The following MAGI2 variants were observed in gnomAD, a reference collection of about 807,000 sequenced individuals.
MAGI2 encodes membrane-associated guanylate kinase, WW and PDZ domain-containing protein 2.
A neutral mutation model predicts 133.3 loss-of-function variants in MAGI2; 35 were observed. The ratio of observed to expected loss-of-function variants is 0.26; its 90% CI spans 0.20 to 0.35. The LOEUF (loss-of-function observed/expected upper bound fraction) is 0.35, where lower values mean the gene tolerates loss of function less well. MAGI2 is among the 10% of genes least tolerant of loss of function. The pLI is 1.00. For missense variants in MAGI2, 1,636 were observed against 1,863.4 expected, an observed-to-expected ratio of 0.88 and a Z score of 2.25; for synonymous variants, 729 against 710.6, an observed-to-expected ratio of 1.03 and a Z score of -0.41.
At chr7:79,156,635 C>A (rs995535519) in intron 1 of MAGI2, among the ~76,000 whole-genome samples, 1 of 152,158 alleles carries the variant, frequency 6.6e-6, no homozygotes, top group Non-Finnish European at 1.5e-5. Context: ...CTTTCTGGAC[C>A]AAATATGTAT....
At chr7:78,923,137 G>C (rs1362332441) in intron 2 of MAGI2, among the ~76,000 whole-genome samples, 7 of 152,006 alleles carry the variant, frequency 4.6e-5, no homozygotes, top group Admixed American at 1.3e-4. Flanking sequence ...CTCTCATTTT[G>C]TAGGTTGCCT....
At chr7:79,085,059 T>C (rs927112882) in intron 1 of MAGI2, among the ~76,000 whole-genome samples, 1 of 151,750 alleles carries the variant, frequency 6.6e-6, no homozygotes, top group Non-Finnish European at 1.5e-5. Context: ...TCTTCAAATA[T>C]TTTTTCTGTT....
intron 6 of MAGI2, among the ~76,000 whole-genome samples, chr7:78,462,310 T>A (rs1790146010): frequency 6.6e-6 from 1 of 152,138 alleles, no homozygotes; most frequent in African/African-American, 2.4e-5. Flanking sequence ...AGAGTGAAGG[T>A]GGCAAAGGTG....
chr7:79,317,830 C>T (rs1476947325), intron 1 of MAGI2, among the ~76,000 whole-genome samples: 1 of 151,436 alleles, frequency 6.6e-6, no homozygotes, highest in Non-Finnish European at 1.5e-5. Flanking sequence ...GACTCATCCT[C>T]CTTTGCATTT....
At chr7:79,217,223 G>C (rs1485719386) in intron 1 of MAGI2, among the ~76,000 whole-genome samples, 1 of 152,018 alleles carries the variant, frequency 6.6e-6, no homozygotes, top group East Asian at 1.9e-4. Context: ...ATAAAGGATA[G>C]AAAGATCAAA....
chr7:78,648,667 G>T (rs758195662), intron 2 of MAGI2, among the ~76,000 whole-genome samples: 10 of 152,194 alleles, frequency 6.6e-5, no homozygotes, highest in Non-Finnish European at 1.2e-4. Flanking sequence ...TTTTCAGAAT[G>T]CTTGTCAAGT....
intron 1 of MAGI2, among the ~76,000 whole-genome samples, chr7:79,444,284 A>G (rs1448724497): frequency 1.3e-5 from 2 of 152,160 alleles, no homozygotes; most frequent in Non-Finnish European, 2.9e-5. Context: ...CACCACTCCT[A>G]TTCAACATAG....
At chr7:78,029,405 T>C (rs999156594) in intron 21 of MAGI2, among the ~76,000 whole-genome samples, 1 of 152,382 alleles carries the variant, frequency 6.6e-6, no homozygotes, top group Non-Finnish European at 1.5e-5. Context: ...GGAGACCTTC[T>C]TCCCCTCAAA....
At chr7:78,757,526 G>A (rs113865550) in intron 2 of MAGI2, among the ~76,000 whole-genome samples, 2 of 152,088 alleles carry the variant, frequency 1.3e-5, no homozygotes, top group African/African-American at 2.4e-5. Context: ...AGAATTATCT[G>A]AATTCTCTAT....
chr7:79,426,904 G>C (rs1847408924), intron 1 of MAGI2, among the ~76,000 whole-genome samples: 1 of 151,982 alleles, frequency 6.6e-6, no homozygotes, highest in Non-Finnish European at 1.5e-5. Flanking sequence ...GAAAATTAGG[G>C]CACTTCAACC....
intron 2 of MAGI2, among the ~76,000 whole-genome samples, chr7:78,776,571 A>G (rs1336051521): frequency 6.6e-6 from 1 of 152,196 alleles, no homozygotes; most frequent in African/African-American, 2.4e-5. Context: ...TTTCCAATTA[A>G]TTATTTTCAA....
intron 1 of MAGI2, among the ~76,000 whole-genome samples, chr7:79,348,614 A>G (rs1000705029): frequency 2.0e-5 from 3 of 151,862 alleles, no homozygotes; most frequent in African/African-American, 7.2e-5. Context: ...GGAAGTCTAG[A>G]AACTATTTTT....
At chr7:78,303,517 A>G (rs111465859) in intron 9 of MAGI2, among the ~76,000 whole-genome samples, 1 of 151,270 alleles carries the variant, frequency 6.6e-6, no homozygotes, top group African/African-American at 2.4e-5. Context: ...CCACATTTTT[A>G]TAGTTCCAAA....
chr7:78,569,229 A>G (rs1158818643), intron 3 of MAGI2, among the ~76,000 whole-genome samples: 1 of 152,046 alleles, frequency 6.6e-6, no homozygotes, highest in Non-Finnish European at 1.5e-5. Flanking sequence ...TCATTTATTT[A>G]TATAGTGTTT....
At chr7:78,167,790 G>C in intron 15 of MAGI2, 126 bp downstream of exon 15, 1 of 854,904 alleles carries the variant, frequency 1.2e-6, no homozygotes, top group Non-Finnish European at 1.8e-6. Flanking sequence ...GGAATATCTA[G>C]GTTGTTTCCT....
intron 1 of MAGI2, among the ~76,000 whole-genome samples, chr7:79,266,758 C>G (rs1834490152): frequency 2.0e-5 from 3 of 152,116 alleles, no homozygotes; most frequent in Admixed American, 2.0e-4. Flanking sequence ...GTCAGGGCTA[C>G]TAGAGCATAT....
intron 1 of MAGI2, among the ~76,000 whole-genome samples, chr7:79,060,550 T>C (rs1475360806): frequency 1.3e-5 from 2 of 152,054 alleles, no homozygotes; most frequent in African/African-American, 4.8e-5. Context: ...GATTCTGTAA[T>C]AGGCCACATG....
chr7:78,096,694 GCTT>G (rs1817721909), intron 20 of MAGI2, among the ~76,000 whole-genome samples: 1 of 152,078 alleles, frequency 6.6e-6, no homozygotes. Flanking sequence ...ACAGTCTACA[GCTT>G]CTTTTGTACT....
chr7:78,773,043 T>C (rs774651230), intron 2 of MAGI2, among the ~76,000 whole-genome samples: 26 of 152,286 alleles, frequency 1.7e-4, no homozygotes, highest in Admixed American at 3.3e-4. Flanking sequence ...GTCACTTTCC[T>C]TGAATGTGCA....
Sources: gnomAD v4.1 joint callset for allele counts (sites outside exome capture counted in the v4.1 genomes callset) on GRCh38, gnomAD v4.1.1 for gene constraint, MANE v1.5 for transcripts, NCBI Gene and HGNC (gene_info 2026-07-23, HGNC 2026-07-21) for gene names.